Variants in RALGAPA2 observed in about 807,000 individuals in gnomAD.
RALGAPA2 encodes the protein ral GTPase-activating protein subunit alpha-2.
Under a neutral mutation model 230.4 loss-of-function variants are expected in RALGAPA2, and 139 were observed. That is an observed-to-expected ratio of 0.60 (90% CI 0.53 to 0.69). The LOEUF is 0.69. Among genes scored for constraint, RALGAPA2 ranks in the 30% least tolerant of loss-of-function variants. The pLI is 0.00. For missense variants in RALGAPA2, 2,163 were observed against 2,276.0 expected, an observed-to-expected ratio of 0.95 and a Z score of 1.01; for synonymous variants, 847 against 837.8, an observed-to-expected ratio of 1.01 and a Z score of -0.19.
chr20:20,396,834 G>C, intron 38 of RALGAPA2, 100 bp from the exon 39 acceptor site: 1 of 1,018,540 alleles, frequency 9.8e-7, no homozygotes, highest in Non-Finnish European at 1.5e-6. Context: ...TTATCCCTGA[G>C]CTGCCCAAGC....
At chr20:20,637,209 C>T (rs2066887787) in intron 8 of RALGAPA2, among the ~76,000 whole-genome samples, 154 bp downstream of exon 8, 1 of 152,120 alleles carries the variant, frequency 6.6e-6, no homozygotes, top group Admixed American at 6.5e-5. Context: ...ATTAAAATCA[C>T]TTATTAAGAA....
chr20:20,591,365 C>A, intron 16 of RALGAPA2, 51 bp from the exon 17 acceptor site: 1 of 1,550,272 alleles, frequency 6.5e-7, no homozygotes, highest in South Asian at 1.2e-5. Context: ...TTTTAAAAAA[C>A]ACATTCACCA....
At chr20:20,483,742 C>T (rs780484559) in intron 36 of RALGAPA2, among the ~76,000 whole-genome samples, 6 of 152,190 alleles carry the variant, frequency 3.9e-5, no homozygotes, top group Non-Finnish European at 5.9e-5. Context: ...ACATGTTTTT[C>T]CCACATTTCT....
intron 23 of RALGAPA2, among the ~76,000 whole-genome samples, chr20:20,567,732 C>T (rs2064478674): frequency 1.3e-5 from 2 of 151,548 alleles, no homozygotes; most frequent in South Asian, 4.2e-4. Flanking sequence ...ATGGCTCACA[C>T]CTGTAATCCC....
At position 20,505,471 on chromosome 20, in the gene RALGAPA2, G is replaced by A; in HGVS notation, c.4992C>T (p.Ile1664=). The stretch of plus-strand genomic sequence containing the variant: ...CTTGGCTTCCTCTTTCATTAGAGAG[G>A]ATTGAACACTTGTCTTCTTGACCTT... ...IAEGQEDKCS[I]LSNERGSQAY... Residue 1664 remains isoleucine, a synonymous_variant, in exon 34 of 40, where the codon ATC becomes ATT. Transcript: ENST00000202677. 1 of 1,604,478 alleles carries A rather than the reference G, an allele frequency of 6.2e-7. No homozygotes were observed. The highest frequency in any genetic ancestry group is 8.5e-7 in the Non-Finnish European group (1 of 1,174,634).
At chr20:20,397,920 C>T (rs2059751929) in intron 38 of RALGAPA2, among the ~76,000 whole-genome samples, 4 of 152,164 alleles carry the variant, frequency 2.6e-5, no homozygotes, top group African/African-American at 4.8e-5. Flanking sequence ...TTCCAACCAC[C>T]GTTAACACCG....
At chr20:20,407,974 T>C (rs2059980890) in intron 38 of RALGAPA2, among the ~76,000 whole-genome samples, 1 of 152,250 alleles carries the variant, frequency 6.6e-6, no homozygotes, top group Non-Finnish European at 1.5e-5. Flanking sequence ...TTCTAAATCC[T>C]GGAGCCTTGA....
intron 9 of RALGAPA2, among the ~76,000 whole-genome samples, chr20:20,634,904 G>C (rs1321931415): frequency 2.0e-5 from 3 of 152,144 alleles, no homozygotes; most frequent in African/African-American, 7.2e-5. Context: ...AAGGCCTCTG[G>C]GAAGAGGTGG....
intron 14 of RALGAPA2, 101 bp from the exon 15 acceptor site, chr20:20,605,513 A>C: frequency 1.1e-6 from 1 of 900,860 alleles, no homozygotes; most frequent in Non-Finnish European, 1.7e-6. Flanking sequence ...CACAAATTTT[A>C]AAATAAAAAG....
At position 20,501,923 on chromosome 20, in the gene RALGAPA2, C is replaced by G. The variant is rs73289161; in HGVS notation, c.5208+1428G>C. ...ATAGGGGAACGGCCGGTGGGTGGAG[C>G]AGTCAGAACACACCGAACATGTATG... On this transcript the variant is annotated intron_variant, in intron 35 of 39. Coordinates refer to ENST00000202677, the MANE Select transcript of RALGAPA2 (RefSeq NM_020343.4). 7.8e-3 allele frequency among the ~76,000 whole-genome samples: 1,187 copies of G among 152,220 alleles called. 12 individuals are homozygous for G. Among genetic ancestry groups the G allele is most frequent in the African/African-American group, 0.027 (1,127 of 41,540 alleles).
chr20:20,654,511 C>G (rs1421615858), intron 3 of RALGAPA2, among the ~76,000 whole-genome samples: 1 of 152,180 alleles, frequency 6.6e-6, no homozygotes, highest in Non-Finnish European at 1.5e-5. Context: ...CTTTCTGTGC[C>G]TGGCTTATTT....
chr20:20,612,449 T>C (rs1229319070), intron 13 of RALGAPA2, among the ~76,000 whole-genome samples: 4 of 152,216 alleles, frequency 2.6e-5, no homozygotes, highest in Non-Finnish European at 5.9e-5. Flanking sequence ...TAGTTCCCGT[T>C]TACTTTTCTC....
At chr20:20,653,776 T>C (rs1356838814) in intron 3 of RALGAPA2, among the ~76,000 whole-genome samples, 189 bp from the exon 4 acceptor site, 1 of 152,158 alleles carries the variant, frequency 6.6e-6, no homozygotes, top group Non-Finnish European at 1.5e-5. Flanking sequence ...CAAGCTTTCT[T>C]ACCTGAATGT....
chr20:20,535,149 C>T (rs1207628811), intron 26 of RALGAPA2, among the ~76,000 whole-genome samples: 2 of 152,156 alleles, frequency 1.3e-5, no homozygotes, highest in Non-Finnish European at 2.9e-5. Flanking sequence ...AGAGGCTGAG[C>T]TGGGCTTCTG....
At chr20:20,492,933 A>G (rs2062100852) in intron 36 of RALGAPA2, among the ~76,000 whole-genome samples, 1 of 152,238 alleles carries the variant, frequency 6.6e-6, no homozygotes, top group Non-Finnish European at 1.5e-5. Context: ...AGCTGAAGCA[A>G]TATAACAAAA....
chr20:20,531,785 C>G lies in RALGAPA2; in HGVS notation c.3484G>C (p.Val1162Leu), dbSNP rs2063374840. The change falls in exon 27 of 40, where the codon GTT becomes CTT. Residue 1162 changes from valine to leucine, a missense_variant. Physicochemically the swap from Val to Leu is conservative, Grantham distance 32. Coordinates refer to ENST00000202677, the MANE Select transcript of RALGAPA2 (RefSeq NM_020343.4). ...CATATCCAGACCCCAAGGGAGCAAACAGCAATGCATCTTTTTAAAAAGAAG... is the reference window on the plus strand; with the variant it reads ...CATATCCAGACCCCAAGGGAGCAAAGAGCAATGCATCTTTTTAAAAAGAAG... ...EPNEYARCIA[V>L]CSLGVWICEE... 1 of 1,599,914 alleles carries G rather than the reference C, an allele frequency of 6.3e-7. No homozygotes were observed. The highest frequency in any genetic ancestry group is 8.5e-7 in the Non-Finnish European group (1 of 1,172,720).
At chr20:20,700,687 G>A (rs966136598) in intron 1 of RALGAPA2, among the ~76,000 whole-genome samples, 7 of 152,104 alleles carry the variant, frequency 4.6e-5, no homozygotes, top group African/African-American at 1.4e-4. Flanking sequence ...CAAGGTTTAC[G>A]AACACCAATC....
chr20:20,516,796 GTAGTCTGGC>G (rs1190552291), intron 31 of RALGAPA2, among the ~76,000 whole-genome samples: 2 of 152,204 alleles, frequency 1.3e-5, no homozygotes, highest in Non-Finnish European at 2.9e-5. Context: ...AGCAGTCACG[GTAGTCTGGC>G]TATCAAGAAC....
chr20:20,664,701 GA>G (rs1418259449), intron 3 of RALGAPA2, among the ~76,000 whole-genome samples: 1 of 152,086 alleles, frequency 6.6e-6, no homozygotes, highest in Non-Finnish European at 1.5e-5. Context: ...TGTTTTAGGG[GA>G]AAAAATCACT....
Sources: gnomAD v4.1 joint callset for allele counts (sites outside exome capture counted in the v4.1 genomes callset) on GRCh38, gnomAD v4.1.1 for gene constraint, MANE v1.5 for transcripts, NCBI Gene and HGNC (gene_info 2026-07-23, HGNC 2026-07-21) for gene names.